PCNX3: variants seen among roughly 807,000 people sequenced by gnomAD.
The protein encoded by PCNX3 is pecanex-like protein 3.
A neutral mutation model predicts 207.2 loss-of-function variants in PCNX3; 58 were observed. That is an observed-to-expected ratio of 0.28 (90% CI 0.23 to 0.35). PCNX3 has a LOEUF of 0.35. PCNX3 is among the 10% of genes least tolerant of loss of function. The pLI, the probability that PCNX3 is intolerant of heterozygous loss-of-function variation, is 1.00. For missense variants in PCNX3, 2,410 were observed against 2,774.4 expected, an observed-to-expected ratio of 0.87 and a Z score of 2.95; for synonymous variants, 1,337 against 1,183.5, an observed-to-expected ratio of 1.13 and a Z score of -2.66.
At chr11:65,622,496 TG>T (rs1855160562) in intron 11 of PCNX3, 130 bp downstream of exon 11, 8 of 1,221,058 alleles carry the variant, frequency 6.6e-6, no homozygotes, top group Non-Finnish European at 8.9e-6. Context: ...GGCCTGTCGT[TG>T]GCTGGAGTCT....
In PCNX3 at chr11:65,623,655, G is replaced by T. The variant is rs569600579; in HGVS notation, c.2511+11G>T. On this transcript the variant is annotated intron_variant, in intron 12 of 34. Transcript: ENST00000355703. ...TACTCCTTGCTGAAGGTCAGGCCGG[G>T]CTCTCTGTGTTTCCTTCCCCACCCG... 4 of 1,609,030 alleles carry T rather than the reference G, an allele frequency of 2.5e-6. No homozygotes were observed. The African/African-American group carries it at 5.3e-5, about 22-fold the overall frequency.
chr11:65,632,596 G>A (rs568528968), intron 27 of PCNX3, among the ~76,000 whole-genome samples: 3 of 134,458 alleles, frequency 2.2e-5, no homozygotes, highest in Admixed American at 8.5e-5. Flanking sequence ...GCTCACAGGC[G>A]GAGCGGCTGC....
intron 27 of PCNX3, among the ~76,000 whole-genome samples, chr11:65,633,258 C>G (rs529152034): frequency 1.3e-5 from 2 of 152,260 alleles, no homozygotes; most frequent in African/African-American, 4.8e-5. Flanking sequence ...TGCCAGCTAC[C>G]TGTCTTCCAA....
rs1855258053 is a variant in PCNX3 at position 65,624,167 on chromosome 11, C to T, written c.2545-28C>T. 5 of 1,589,848 alleles carry T rather than the reference C, an allele frequency of 3.1e-6. No homozygotes were observed. In the East Asian group the frequency reaches 1.1e-4, roughly 36 times the overall value. The stretch of plus-strand genomic sequence containing the variant: ...TCAGAGGTGTGGCCAGTCGGGGAGA[C>T]CCAGCTCCTCATGGGCTGACCCCTC... On this transcript the variant is annotated intron_variant, in intron 13 of 34. Coordinates refer to ENST00000355703, the MANE Select transcript of PCNX3 (RefSeq NM_032223.4).
chr11:65,619,750 C>T lies in PCNX3; in HGVS notation c.1830-4C>T, dbSNP rs1215013418. 16 of 1,564,878 alleles carry T rather than the reference C, an allele frequency of 1.0e-5. No individual in the cohort carries two copies. The highest frequency in any genetic ancestry group is 1.2e-5 in the Non-Finnish European group (14 of 1,162,264). Reference sequence around the variant, plus strand: ...GGCGCTGACCTGGGGCTGACCCTCTCCAGCAGCCTGCAGGAAGCTCAGCGG... The same window carrying T: ...GGCGCTGACCTGGGGCTGACCCTCTTCAGCAGCCTGCAGGAAGCTCAGCGG... On this transcript the variant is annotated splice_polypyrimidine_tract_variant and splice_region_variant and intron_variant, in intron 7 of 34. Coordinates refer to ENST00000355703, the MANE Select transcript of PCNX3 (RefSeq NM_032223.4).
Position 65,618,275 on chromosome 11 carries a change from A to G in PCNX3, c.913A>G (p.Thr305Ala), listed in dbSNP as rs560766195. The G allele has an allele frequency of 5.0e-6, 8 of 1,610,258 alleles. No individual in the cohort carries two copies. The South Asian group carries it at 8.8e-5, about 18-fold the overall frequency. Residue 305 changes from threonine to alanine, a missense_variant, in exon 6 of 35, where the codon ACT becomes GCT. By Grantham distance (58) the Thr-to-Ala change is moderately conservative (BLOSUM62 0). This residue lies in a region of PCNX3 where 1,104 missense variants were observed against 970.3 expected (regional missense o/e 1.14). Transcript: ENST00000355703. ...AGSSDSCFSG[T>A]DRETLSSFKS... ...CTCCTCAGACTCCTGCTTCAGCGGC[A>G]CTGACAGGGAGACATTGAGCAGCTT...
Position 65,616,684 on chromosome 11 carries a change from C to T in PCNX3, c.154-140C>T, listed in dbSNP as rs997721926. On this transcript the variant is annotated intron_variant, in intron 1 of 34. Coordinates refer to ENST00000355703, the MANE Select transcript of PCNX3 (RefSeq NM_032223.4). ...CTAAGCAGAATACAGAGCCCTTTGTCGAGGTCTGTGTACTGGTTGTGTGGA... is the reference window on the plus strand; with the variant it reads ...CTAAGCAGAATACAGAGCCCTTTGTTGAGGTCTGTGTACTGGTTGTGTGGA... The T allele has an allele frequency of 5.8e-6, 6 of 1,038,794 alleles. No homozygotes were observed. The South Asian group carries it at 6.5e-5, about 11-fold the overall frequency. The allele number at this position is 1,038,794 out of a possible 1,614,324, so 64.3% of individuals were successfully genotyped here. A position where few individuals can be genotyped will look rare whatever the true frequency, so the allele number is the denominator to read the frequency against.
In PCNX3 at chr11:65,635,241, A is replaced by T; in HGVS notation, c.4977A>T (p.Glu1659Asp). The change falls in exon 31 of 35, where the codon GAA becomes GAT. Residue 1659 changes from glutamate (E) to aspartate (D), a missense_variant. Physicochemically the swap from Glu to Asp is conservative, Grantham distance 45 (BLOSUM62 2). This residue lies in a region of PCNX3 where 420 missense variants were observed against 705.3 expected (regional missense o/e 0.60). Transcript: ENST00000355703. The surrounding 1 kb of genome is among the most constrained non-coding windows in gnomAD (Gnocchi z 9.9). Reference sequence around the variant, plus strand: ...AGGACCACTTCACGTCCCCAGATGAATATGAGGAGCCAGCAGCCCTATACG... The same window carrying T: ...AGGACCACTTCACGTCCCCAGATGATTATGAGGAGCCAGCAGCCCTATACG... Reference protein sequence around the residue: ...LHQDHFTSPDEYEEPAALYDA... With the variant: ...LHQDHFTSPDDYEEPAALYDA... 1.3e-6 allele frequency: 2 copies of T among 1,586,834 alleles called. No individual in the cohort carries two copies. Among genetic ancestry groups the T allele is most frequent in the Non-Finnish European group, 1.7e-6 (2 of 1,166,828 alleles).
Position 65,616,965 on chromosome 11 carries a change from G to A in PCNX3, c.295G>A (p.Gly99Arg), listed in dbSNP as rs757282795. The A allele has an allele frequency of 1.2e-6, 2 of 1,613,126 alleles. No individual in the cohort carries two copies. The highest frequency in any genetic ancestry group is 1.7e-6 in the Non-Finnish European group (2 of 1,179,786). The change falls in exon 2 of 35, where the codon GGG becomes AGG. Residue 99 changes from glycine (G) to arginine (R), a missense_variant. Physicochemically the swap from Gly to Arg is moderately radical, Grantham distance 125. Around this residue, in one of 8 missense-constraint regions of PCNX3, gnomAD observed 1,104 missense variants for 970.3 expected, o/e 1.14. Transcript: ENST00000355703. ...CGTGGAGAAGCGCAGCTCTACCATG[G>A]GGGAGCTGGAGGAAGAGCCTGCCCA... The part of the protein sequence containing the change: ...EIVEKRSSTM[G>R]ELEEEPAQGD...
At chr11:65,623,669 C>T in intron 12 of PCNX3, 25 bp downstream of exon 12, 3 of 1,604,676 alleles carry the variant, frequency 1.9e-6, no homozygotes, top group South Asian at 1.1e-5. Context: ...TCTGTGTTTC[C>T]TTCCCCACCC....
intron 22 of PCNX3, 115 bp from the exon 23 acceptor site, chr11:65,628,480 G>A (rs903687592): frequency 2.7e-5 from 26 of 954,144 alleles, no homozygotes; most frequent in Non-Finnish European, 3.7e-5. Context: ...CTTGAGTTTG[G>A]CCCCCGTGGG....
rs530305210 is a variant in PCNX3 at position 65,624,992 on chromosome 11, C to T, written c.2895C>T (p.Tyr965=). 16 of 1,612,680 alleles carry T rather than the reference C, an allele frequency of 9.9e-6. No homozygotes were observed. In the South Asian group the frequency reaches 1.2e-4, roughly 12 times the overall value. The change falls in exon 16 of 35, where the codon TAC becomes TAT. Residue 965 remains tyrosine, a synonymous_variant. Transcript: ENST00000355703. ...SRSLLAAALL[Y]GFCLGAIKTP... ...GCCTGCTGGCTGCTGCCCTGCTCTA[C>T]GGTTTCTGCCTTGGGGCCATCAAGG...
intron 10 of PCNX3, among the ~76,000 whole-genome samples, chr11:65,621,203 C>G (rs1051927787): frequency 1.6e-4 from 24 of 152,206 alleles, no homozygotes; most frequent in Admixed American, 5.2e-4. Flanking sequence ...GGAGTACATT[C>G]CTAACTCTGG....
At chr11:65,623,702 C>T in intron 12 of PCNX3, 58 bp downstream of exon 12, 9 of 1,588,834 alleles carry the variant, frequency 5.7e-6, no homozygotes, top group South Asian at 1.1e-5. Context: ...GATTGCCCTT[C>T]CCACAACTCC....
intron 25 of PCNX3, 44 bp downstream of exon 25, chr11:65,629,459 TG>T: frequency 1.9e-6 from 3 of 1,610,982 alleles, no homozygotes; most frequent in Non-Finnish European, 1.7e-6. Flanking sequence ...AGGGCCTCCC[TG>T]GGGAGGGAGC....
chr11:65,631,055 G>A (rs189325164), intron 27 of PCNX3, among the ~76,000 whole-genome samples: 1 of 152,366 alleles, frequency 6.6e-6, no homozygotes, highest in Admixed American at 6.5e-5. Flanking sequence ...TTTGAGAGGG[G>A]CCCTGCTATC....
At chr11:65,633,335 C>T (rs1855690122) in intron 27 of PCNX3, among the ~76,000 whole-genome samples, 1 of 152,236 alleles carries the variant, frequency 6.6e-6, no homozygotes, top group Admixed American at 6.5e-5. Flanking sequence ...CTTTGGGTAC[C>T]ACATGTGCCC....
At chr11:65,629,301 G>T in intron 24 of PCNX3, 56 bp from the exon 25 acceptor site, 1 of 1,541,058 alleles carries the variant, frequency 6.5e-7, no homozygotes, top group Non-Finnish European at 8.9e-7. Flanking sequence ...CATGAGCAGG[G>T]TGCACCCTCT....
At position 65,635,324 on chromosome 11, in the gene PCNX3, G is replaced by A. The variant is rs769932525; in HGVS notation, c.5060G>A (p.Trp1687Ter). The A allele has an allele frequency of 6.2e-7, 1 of 1,603,212 alleles. No individual in the cohort carries two copies. Among genetic ancestry groups the A allele is most frequent in the Non-Finnish European group, 8.5e-7 (1 of 1,175,874 alleles). Reference sequence around the variant, plus strand: ...ATCTCACATGAGGGTGACCCAGCATGGCGCAGCGCCATCCTCAGCAACACG... The same window carrying A: ...ATCTCACATGAGGGTGACCCAGCATAGCGCAGCGCCATCCTCAGCAACACG... ...LVISHEGDPA[W>*]RSAILSNTPS... Residue 1687 changes from tryptophan (W) to a stop codon, truncating the protein, a stop_gained, in exon 31 of 35, where the codon TGG (tryptophan) becomes TAG (stop). Coordinates refer to ENST00000355703, the MANE Select transcript of PCNX3 (RefSeq NM_032223.4). LOFTEE classifies it high-confidence loss of function. This position sits in a 1 kb window ranked among gnomAD's most constrained non-coding sequence, Gnocchi z 9.9.
Sources: gnomAD v4.1 joint callset for allele counts (sites outside exome capture counted in the v4.1 genomes callset) on GRCh38, gnomAD v4.1.1 for gene constraint, gnomAD v4.1.1 regional missense constraint, Gnocchi (gnomAD v3.1) non-coding constraint, MANE v1.5 for transcripts, NCBI Gene and HGNC (gene_info 2026-07-23, HGNC 2026-07-21) for gene names.